The following YPEL2 variants were observed in gnomAD, a reference collection of about 807,000 sequenced individuals.
YPEL2 encodes the protein yippee like 2, also known as protein yippee-like 2.
YPEL2 carries 2 observed loss-of-function variants against 19.1 expected under a neutral mutation model. The ratio of observed to expected loss-of-function variants is 0.10; its 90% CI spans 0.04 to 0.33. The LOEUF is 0.33. Among genes scored for constraint, YPEL2 ranks in the 10% least tolerant of loss-of-function variants. YPEL2 has a pLI of 1.00. For missense variants in YPEL2, 66 were observed against 140.7 expected, an observed-to-expected ratio of 0.47 and a Z score of 2.68; for synonymous variants, 52 against 50.0, an observed-to-expected ratio of 1.04 and a Z score of -0.17.
Position 59,353,653 on chromosome 17 carries a change from C to T in YPEL2, c.117+127C>T, listed in dbSNP as rs754283120. The T allele has an allele frequency of 1.2e-5, 9 of 765,540 alleles. No homozygotes were observed. Among genetic ancestry groups the T allele is most frequent in the Admixed American group, 7.3e-5 (4 of 54,666 alleles). 47.4% of individuals were successfully genotyped at this position (765,540 alleles called of 1,614,324 possible). A position where few individuals can be genotyped will look rare whatever the true frequency, so the allele number is the denominator to read the frequency against. On this transcript the variant is annotated intron_variant, in intron 2 of 4. Transcript: ENST00000312655. This position sits in a 1 kb window ranked among gnomAD's most constrained non-coding sequence, Gnocchi z 4.8. ...TCTTTGTACAGGGAGGGCTGACCCACGTGACCGTCTCACTCAACTGAGAAA... is the reference window on the plus strand; with the variant it reads ...TCTTTGTACAGGGAGGGCTGACCCATGTGACCGTCTCACTCAACTGAGAAA...
intron 3 of YPEL2, 131 bp downstream of exon 3, chr17:59,388,501 TC>T: frequency 1.1e-6 from 1 of 912,368 alleles, no homozygotes. Context: ...AGCATTACTG[TC>T]CACAATTGGT....
intron 3 of YPEL2, 67 bp downstream of exon 3, chr17:59,388,437 T>C (rs2047991976): frequency 6.6e-7 from 1 of 1,505,902 alleles, no homozygotes; most frequent in Non-Finnish European, 9.2e-7. Context: ...AAGCAATCCT[T>C]GGTGATAATT....
intron 2 of YPEL2, among the ~76,000 whole-genome samples, chr17:59,359,714 G>A (rs551459410): frequency 3.3e-4 from 50 of 152,262 alleles, no homozygotes; most frequent in Admixed American, 1.2e-3. Flanking sequence ...TTTAAGAGGA[G>A]GGAAAAATCA....
chr17:59,334,038 T>C (rs1363405691), intron 1 of YPEL2, among the ~76,000 whole-genome samples: 1 of 152,178 alleles, frequency 6.6e-6, no homozygotes, highest in Non-Finnish European at 1.5e-5. Context: ...ACAGTATTGT[T>C]TGTTCTCAAC....
At position 59,353,225 on chromosome 17, in the gene YPEL2, A is replaced by C. The variant is rs572156401; in HGVS notation, c.-185A>C. 11 of 533,594 alleles carry C rather than the reference A, an allele frequency of 2.1e-5. No homozygotes were observed. Among genetic ancestry groups the C allele is most frequent in the Non-Finnish European group, 3.6e-5 (11 of 301,810 alleles). 33.1% of individuals were successfully genotyped at this position (533,594 alleles called of 1,614,324 possible). On this transcript the variant is annotated 5_prime_UTR_variant, in exon 2 of 5. Transcript: ENST00000312655. This position sits in a 1 kb window ranked among gnomAD's most constrained non-coding sequence, Gnocchi z 4.8. ...CCCTTGATGTTACAGGCTGCTGAGA[A>C]CTAGCCCTAGACCTCTGCGTGAGGG...
At chr17:59,363,574 A>G (rs1032971601) in intron 2 of YPEL2, among the ~76,000 whole-genome samples, 1 of 152,144 alleles carries the variant, frequency 6.6e-6, no homozygotes, top group Non-Finnish European at 1.5e-5. Context: ...CAGCCTCCCA[A>G]AATGCTGGGA....
At chr17:59,388,276 CAGAT>C (rs1442474870) in intron 2 of YPEL2, 47 bp from the exon 3 acceptor site, 3 of 1,601,116 alleles carry the variant, frequency 1.9e-6, no homozygotes, top group East Asian at 4.5e-5. Flanking sequence ...GTTTCCCAAA[CAGAT>C]AGGTGAAATG....
chr17:59,362,252 G>T (rs1020057880), intron 2 of YPEL2, among the ~76,000 whole-genome samples: 4 of 151,554 alleles, frequency 2.6e-5, no homozygotes, highest in Admixed American at 2.0e-4. Context: ...CAAAGAAATA[G>T]AAGCATTCTA....
intron 1 of YPEL2, among the ~76,000 whole-genome samples, chr17:59,343,591 G>A (rs185325300): frequency 2.9e-4 from 40 of 139,764 alleles, no homozygotes; most frequent in African/African-American, 1.0e-3. Context: ...AGGCAGAGAA[G>A]GGTAGGGTAA....
chr17:59,396,323 C>T (rs1382958555), intron 4 of YPEL2, among the ~76,000 whole-genome samples: 1 of 152,228 alleles, frequency 6.6e-6, no homozygotes, highest in African/African-American at 2.4e-5. Context: ...ACATGAAAGT[C>T]TCTGCACTCC....
At chr17:59,356,076 G>A (rs995846326) in intron 2 of YPEL2, 3 of 152,058 alleles carry the variant, frequency 2.0e-5, no homozygotes, top group Non-Finnish European at 2.9e-5. Context: ...TGGAAAATAG[G>A]CCTTTCTTTT....
At chr17:59,392,506 C>CTT (rs1567762075) in intron 4 of YPEL2, among the ~76,000 whole-genome samples, 3 of 126,840 alleles carry the variant, frequency 2.4e-5, no homozygotes, top group South Asian at 2.8e-4. Context: ...GCTCAGGGCA[C>CTT]GTTTTTTTTT....
At chr17:59,343,907 A>G (rs907201021) in intron 1 of YPEL2, among the ~76,000 whole-genome samples, 4 of 152,090 alleles carry the variant, frequency 2.6e-5, no homozygotes, top group African/African-American at 9.7e-5. Flanking sequence ...AGGATGAGAG[A>G]AGATGGGGTT....
At chr17:59,384,934 C>T (rs1175252166) in intron 2 of YPEL2, among the ~76,000 whole-genome samples, 1 of 152,188 alleles carries the variant, frequency 6.6e-6, no homozygotes, top group Non-Finnish European at 1.5e-5. Context: ...GGATTTGTTT[C>T]CCAGTAGCCA....
intron 2 of YPEL2, among the ~76,000 whole-genome samples, chr17:59,365,294 G>T (rs568378036): frequency 8.5e-5 from 13 of 152,178 alleles, no homozygotes; most frequent in Non-Finnish European, 1.9e-4. Flanking sequence ...GGGACCAGCA[G>T]GTCTCAGGAG....
intron 2 of YPEL2, among the ~76,000 whole-genome samples, chr17:59,377,189 G>T (rs1226004939): frequency 6.6e-6 from 1 of 152,092 alleles, no homozygotes; most frequent in Non-Finnish European, 1.5e-5. Context: ...TTGGCTTTGG[G>T]ATCAGGAATG....
At chr17:59,369,520 A>G (rs1004388442) in intron 2 of YPEL2, among the ~76,000 whole-genome samples, 7 of 152,268 alleles carry the variant, frequency 4.6e-5, no homozygotes, top group Admixed American at 3.9e-4. Flanking sequence ...AGAGTTGTAC[A>G]GTACAGGGTC....
chr17:59,389,936 C>G (rs190375282), intron 4 of YPEL2, among the ~76,000 whole-genome samples: 1 of 152,130 alleles, frequency 6.6e-6, no homozygotes, highest in Non-Finnish European at 1.5e-5. Flanking sequence ...TCTCAAAGGA[C>G]GTGACCATGT....
chr17:59,344,253 G>T (rs1485607547), intron 1 of YPEL2, among the ~76,000 whole-genome samples: 1 of 152,148 alleles, frequency 6.6e-6, no homozygotes, highest in Non-Finnish European at 1.5e-5. Flanking sequence ...GGTTTAGAGG[G>T]CTTGAGAGGG....
Sources: gnomAD v4.1 joint callset for allele counts (sites outside exome capture counted in the v4.1 genomes callset) on GRCh38, gnomAD v4.1.1 for gene constraint, Gnocchi (gnomAD v3.1) non-coding constraint, MANE v1.5 for transcripts, NCBI Gene and HGNC (gene_info 2026-07-23, HGNC 2026-07-21) for gene names.